Variants in CBFA2T2 observed in about 807,000 individuals in gnomAD.
CBFA2T2 encodes CBFA2/RUNX1 partner transcriptional co-repressor 2.
Under a neutral mutation model 62.2 loss-of-function variants are expected in CBFA2T2, and 11 were observed. The observed-to-expected ratio is 0.18, with a 90% CI of 0.11 to 0.29. CBFA2T2 has a LOEUF of 0.29. Ranked by LOEUF, CBFA2T2 falls within the 10% of genes least tolerant of loss-of-function variation. The probability of loss-of-function intolerance (pLI) is 1.00; values close to 1 mark genes in which losing one functional copy is unlikely to be tolerated. For synonymous variants in CBFA2T2, 295 were observed against 287.5 expected (o/e 1.03, Z -0.27); for missense variants, 592 against 774.1 (o/e 0.76, Z 2.79).
chr20:33,608,487 A>G (rs1261862818), intron 2 of CBFA2T2, among the ~76,000 whole-genome samples: 1 of 152,240 alleles, frequency 6.6e-6, no homozygotes, highest in African/African-American at 2.4e-5. Context: ...TTATTTTCCA[A>G]AACATTTGAA....
chr20:33,607,134 G>C lies in CBFA2T2; in HGVS notation c.178+35G>C, dbSNP rs1398151811. ...CTTAGTTACTTATGTTTGTAGTTCA[G>C]AGTGACATTTGGATCTAAGTGACTG... On this transcript the variant is annotated intron_variant, in intron 2 of 10. Transcript: ENST00000342704. The C allele has an allele frequency of 2.5e-6, 4 of 1,598,912 alleles. No homozygotes were observed. In the Admixed American group the frequency reaches 6.8e-5, roughly 27 times the overall value.
At chr20:33,584,204 C>T (rs550561607) in intron 1 of CBFA2T2, among the ~76,000 whole-genome samples, 2 of 152,070 alleles carry the variant, frequency 1.3e-5, no homozygotes, top group East Asian at 1.9e-4. Context: ...TTGCCTCAGC[C>T]TCCCAAAGTG....
Position 33,611,125 on chromosome 20 carries a change from C to A in CBFA2T2, c.210C>A (p.Thr70=). 1 of 1,614,110 alleles carries A rather than the reference C, an allele frequency of 6.2e-7. No individual in the cohort carries two copies. Among genetic ancestry groups the A allele is most frequent in the Non-Finnish European group, 8.5e-7 (1 of 1,179,952 alleles). ...LSNGINHSPP[T]LNGAPSPPQR... is the part of the protein sequence containing the mutation. The stretch of plus-strand genomic sequence containing the variant: ...ATGGCATCAACCATTCTCCTCCTAC[C>A]CTGAATGGTGCCCCATCACCGCCAC... Residue 70 remains threonine (T), a synonymous_variant, in exon 3 of 11, where the codon ACC becomes ACA. Transcript: ENST00000342704.
At chr20:33,606,719 A>G (rs1367293446) in intron 1 of CBFA2T2, among the ~76,000 whole-genome samples, 4 of 152,118 alleles carry the variant, frequency 2.6e-5, no homozygotes, top group Non-Finnish European at 2.9e-5. Flanking sequence ...CAGACAATCT[A>G]GGATGATCTC....
At chr20:33,551,256 G>A (rs1216911913) in intron 1 of CBFA2T2, among the ~76,000 whole-genome samples, 2 of 147,686 alleles carry the variant, frequency 1.4e-5, no homozygotes, top group East Asian at 2.0e-4. Flanking sequence ...CGCTGTTGTC[G>A]CCCAGGCTGG....
At chr20:33,623,918 C>A (rs1470072086) in intron 5 of CBFA2T2, 7 of 654,206 alleles carry the variant, frequency 1.1e-5, no homozygotes, top group Non-Finnish European at 1.4e-5. Flanking sequence ...GAGTACAGTT[C>A]TGCCTTTTCC....
chr20:33,564,107 A>G (rs2146895145), intron 1 of CBFA2T2, among the ~76,000 whole-genome samples: 1 of 152,272 alleles, frequency 6.6e-6, no homozygotes, highest in Admixed American at 6.5e-5. Flanking sequence ...ACCATTTCTC[A>G]AATAGAAACT....
At chr20:33,617,691 T>G (rs1158456990) in intron 3 of CBFA2T2, among the ~76,000 whole-genome samples, 1 of 152,258 alleles carries the variant, frequency 6.6e-6, no homozygotes, top group Non-Finnish European at 1.5e-5. Flanking sequence ...TATTCCTGAT[T>G]ACCAGAATTA....
intron 1 of CBFA2T2, among the ~76,000 whole-genome samples, chr20:33,539,584 A>G (rs1039697853): frequency 3.9e-5 from 6 of 152,194 alleles, no homozygotes; most frequent in African/African-American, 1.4e-4. Flanking sequence ...TAAATGTATT[A>G]TAGGTCCCTA....
At chr20:33,525,154 T>C (rs919357443) in intron 1 of CBFA2T2, among the ~76,000 whole-genome samples, 5 of 149,374 alleles carry the variant, frequency 3.3e-5, no homozygotes, top group Admixed American at 2.0e-4. Flanking sequence ...TGTAAATGGC[T>C]TTGTTGAGAT....
At chr20:33,541,444 G>A (rs79776205) in intron 1 of CBFA2T2, among the ~76,000 whole-genome samples, 7,704 of 152,268 alleles carry the variant, frequency 0.051, 515 homozygotes, top group Admixed American at 0.16. Flanking sequence ...TGAAATTGAC[G>A]AGTCGTATAA....
chr20:33,588,626 A>G (rs2014480909), intron 1 of CBFA2T2, among the ~76,000 whole-genome samples: 1 of 152,228 alleles, frequency 6.6e-6, no homozygotes. Context: ...GGTTGATCAC[A>G]CAATGGCAAG....
At chr20:33,585,373 AT>A (rs1468511228) in intron 1 of CBFA2T2, among the ~76,000 whole-genome samples, 2 of 152,166 alleles carry the variant, frequency 1.3e-5, no homozygotes, top group African/African-American at 4.8e-5. Context: ...GCATGTGTCT[AT>A]TTTTTAATAA....
intron 1 of CBFA2T2, among the ~76,000 whole-genome samples, chr20:33,548,496 C>T (rs1056743356): frequency 1.3e-5 from 2 of 151,428 alleles, no homozygotes; most frequent in Non-Finnish European, 2.9e-5. Flanking sequence ...TGCCTGCCTC[C>T]GCCTCCCAAA....
At chr20:33,578,313 A>G (rs1259271829) in intron 1 of CBFA2T2, among the ~76,000 whole-genome samples, 7 of 152,172 alleles carry the variant, frequency 4.6e-5, no homozygotes, top group African/African-American at 9.7e-5. Flanking sequence ...GATCCCCCCA[A>G]AATGGTAAGG....
chr20:33,600,239 T>A (rs1392978547), intron 1 of CBFA2T2: 4 of 131,166 alleles, frequency 3.0e-5, no homozygotes, highest in Non-Finnish European at 6.3e-5. Flanking sequence ...TTTTCCAGGC[T>A]GGAGTGCAGT....
intron 1 of CBFA2T2, among the ~76,000 whole-genome samples, chr20:33,571,406 TTGA>T (rs2013560286): frequency 6.6e-6 from 1 of 152,246 alleles, no homozygotes; most frequent in Non-Finnish European, 1.5e-5. Flanking sequence ...TTTCCTTATT[TTGA>T]TGATTACTTT....
chr20:33,520,779 A>C (rs1029648563), intron 1 of CBFA2T2, among the ~76,000 whole-genome samples: 1 of 152,066 alleles, frequency 6.6e-6, no homozygotes, highest in Non-Finnish European at 1.5e-5. Flanking sequence ...CAAAAATGAA[A>C]AAAAGAAATA....
chr20:33,490,538 G>A (rs1460491703), intron 1 of CBFA2T2, among the ~76,000 whole-genome samples: 1 of 152,164 alleles, frequency 6.6e-6, no homozygotes, highest in Non-Finnish European at 1.5e-5. Context: ...GAAATTGTGG[G>A]GCCCGCGGCC....
Sources: allele counts gnomAD v4.1 joint callset (sites outside exome capture counted in the v4.1 genomes callset), GRCh38; gene constraint gnomAD v4.1.1; transcripts MANE v1.5; gene names NCBI Gene and HGNC (gene_info 2026-07-23, HGNC 2026-07-21).